The following GMDS variants were observed in gnomAD, a reference collection of about 807,000 sequenced individuals.
GMDS encodes GDP-mannose 4,6-dehydratase.
A neutral mutation model predicts 49.9 loss-of-function variants in GMDS; 20 were observed. The observed-to-expected ratio is 0.40, with a 90% CI of 0.28 to 0.58. The LOEUF is 0.58. Ranked by LOEUF, GMDS falls within the 20% of genes least tolerant of loss-of-function variation. The pLI, the probability that GMDS is intolerant of heterozygous loss-of-function variation, is 0.42. For missense variants in GMDS, 362 were observed against 481.4 expected (o/e 0.75, Z 2.32); for synonymous variants, 177 against 178.6 (o/e 0.99, Z 0.07).
intron 1 of GMDS, among the ~76,000 whole-genome samples, chr6:2,149,321 T>A (rs1414149310): frequency 6.6e-6 from 1 of 152,174 alleles, no homozygotes; most frequent in Non-Finnish European, 1.5e-5. Context: ...CAAGGTGTAT[T>A]GACTTTTTAT....
At chr6:1,868,169 T>C (rs1206493516) in intron 7 of GMDS, among the ~76,000 whole-genome samples, 1 of 152,044 alleles carries the variant, frequency 6.6e-6, no homozygotes, top group East Asian at 1.9e-4. Flanking sequence ...ATATTTTTAG[T>C]AGAGATGGGG....
chr6:1,990,754 TTG>T (rs1765887711), intron 4 of GMDS, among the ~76,000 whole-genome samples: 1 of 151,090 alleles, frequency 6.6e-6, no homozygotes, highest in Admixed American at 6.6e-5. Flanking sequence ...TTTTTTTTTT[TTG>T]GGGGGGTAGA....
At chr6:1,916,341 TG>T (rs908518743) in intron 7 of GMDS, among the ~76,000 whole-genome samples, 10 of 150,496 alleles carry the variant, frequency 6.6e-5, no homozygotes, top group South Asian at 2.1e-4. Flanking sequence ...CGTGCGGGGG[TG>T]GGGGGCTGTT....
At chr6:1,989,988 G>A (rs779310911) in intron 4 of GMDS, among the ~76,000 whole-genome samples, 9 of 152,234 alleles carry the variant, frequency 5.9e-5, no homozygotes, top group South Asian at 2.1e-4. Flanking sequence ...GATTTTCCAC[G>A]TAGGTGCTTA....
At chr6:1,910,183 A>T (rs1383009769) in intron 7 of GMDS, among the ~76,000 whole-genome samples, 1 of 151,988 alleles carries the variant, frequency 6.6e-6, no homozygotes, top group East Asian at 1.9e-4. Flanking sequence ...ATTATATAAC[A>T]TATGGCATGC....
intron 7 of GMDS, among the ~76,000 whole-genome samples, chr6:1,893,610 T>C (rs1423501027): frequency 1.3e-5 from 2 of 152,238 alleles, no homozygotes; most frequent in Non-Finnish European, 2.9e-5. Flanking sequence ...TGAAACGTTT[T>C]TGCCATGCTG....
chr6:1,674,107 C>T (rs931495764), intron 9 of GMDS, among the ~76,000 whole-genome samples: 3 of 151,554 alleles, frequency 2.0e-5, no homozygotes, highest in African/African-American at 7.3e-5. Flanking sequence ...TGCAAACATT[C>T]GTGCAAAGTG....
chr6:2,152,919 T>C (rs1562101772), intron 1 of GMDS, among the ~76,000 whole-genome samples: 2 of 152,048 alleles, frequency 1.3e-5, no homozygotes, highest in Non-Finnish European at 1.5e-5. Flanking sequence ...TAGTATAAGA[T>C]AAAGGTAGCA....
intron 9 of GMDS, among the ~76,000 whole-genome samples, chr6:1,691,923 A>T (rs1444959842): frequency 6.6e-6 from 1 of 152,110 alleles, no homozygotes; most frequent in Non-Finnish European, 1.5e-5. Context: ...TGAAGGATGC[A>T]AAGTATTGTT....
At chr6:2,080,445 A>T (rs1454206640) in intron 4 of GMDS, among the ~76,000 whole-genome samples, 1 of 152,084 alleles carries the variant, frequency 6.6e-6, no homozygotes, top group East Asian at 1.9e-4. Context: ...CACTGCCTTC[A>T]ATTTTTTGAA....
At chr6:2,101,934 G>A (rs999002291) in intron 4 of GMDS, among the ~76,000 whole-genome samples, 2 of 152,012 alleles carry the variant, frequency 1.3e-5, no homozygotes, top group African/African-American at 2.4e-5. Context: ...ACAAAACTTT[G>A]GTATTTTAAC....
At chr6:1,870,300 G>C (rs1261181128) in intron 7 of GMDS, among the ~76,000 whole-genome samples, 1 of 152,172 alleles carries the variant, frequency 6.6e-6, no homozygotes, top group African/African-American at 2.4e-5. Flanking sequence ...TAAGAAACTA[G>C]GAGATCCATT....
intron 7 of GMDS, among the ~76,000 whole-genome samples, chr6:1,878,114 C>T (rs1042698630): frequency 1.3e-5 from 2 of 152,006 alleles, no homozygotes; most frequent in Non-Finnish European, 1.5e-5. Flanking sequence ...GAGATCGAGA[C>T]CATCCTGGCT....
intron 7 of GMDS, among the ~76,000 whole-genome samples, chr6:1,831,837 C>G (rs573638687): frequency 2.6e-5 from 4 of 152,090 alleles, no homozygotes; most frequent in Admixed American, 1.3e-4. Flanking sequence ...CAGGTCTCTA[C>G]ACAGCCAATG....
At position 1,698,721 on chromosome 6, in the gene GMDS, C is replaced by T. The variant is rs548322187; in HGVS notation, c.987+27695G>A. 1.6e-3 allele frequency among the ~76,000 whole-genome samples: 235 copies of T among 151,408 alleles called. 2 individuals carry two copies. The highest frequency in any genetic ancestry group is 1.4e-3 in the Non-Finnish European group (97 of 67,910). On this transcript the variant is annotated intron_variant, in intron 9 of 10. Coordinates refer to ENST00000380815, the MANE Select transcript of GMDS (RefSeq NM_001500.4). ...TCCGGCCCCAGTGCCCACGTGTGCGCGACCCTGGACAGAGGGCGGCCTCCA... is the reference window on the plus strand; with the variant it reads ...TCCGGCCCCAGTGCCCACGTGTGCGTGACCCTGGACAGAGGGCGGCCTCCA...
chr6:2,100,596 C>T (rs76972656), intron 4 of GMDS, among the ~76,000 whole-genome samples: 2,886 of 151,864 alleles, frequency 0.019, 107 homozygotes, highest in African/African-American at 0.065. Context: ...CAAACATATG[C>T]CTTTAAGTTT....
chr6:1,985,992 G>A (rs999208605), intron 4 of GMDS, among the ~76,000 whole-genome samples: 15 of 152,304 alleles, frequency 9.8e-5, no homozygotes, highest in Admixed American at 3.3e-4. Flanking sequence ...GCTTCAAGAT[G>A]CACAAACCTT....
intron 9 of GMDS, among the ~76,000 whole-genome samples, chr6:1,644,314 A>G (rs2113193731): frequency 6.6e-6 from 1 of 152,268 alleles, no homozygotes; most frequent in African/African-American, 2.4e-5. Flanking sequence ...GCAGATTGCC[A>G]CCTGGAAGCC....
intron 9 of GMDS, among the ~76,000 whole-genome samples, chr6:1,656,353 T>G (rs1242230804): frequency 1.3e-5 from 2 of 152,178 alleles, no homozygotes; most frequent in South Asian, 4.1e-4. Flanking sequence ...AGATTTGCCA[T>G]CACAAATTCA....
Sources: gnomAD v4.1 joint callset for allele counts (sites outside exome capture counted in the v4.1 genomes callset) on GRCh38, gnomAD v4.1.1 for gene constraint, MANE v1.5 for transcripts, NCBI Gene and HGNC (gene_info 2026-07-23, HGNC 2026-07-21) for gene names.